CYB5B: variants seen among roughly 807,000 people sequenced by gnomAD.
The protein encoded by CYB5B is cytochrome b5 type B.
In CYB5B, 14 loss-of-function variants were observed where a neutral mutation model predicts 21.3. The observed-to-expected ratio is 0.66, with a 90% CI of 0.43 to 1.03. CYB5B has a LOEUF of 1.03. Ranked by LOEUF, CYB5B falls within the 50% of genes least tolerant of loss-of-function variation. CYB5B has a pLI of 0.00. For missense variants in CYB5B, 166 were observed against 185.1 expected, an observed-to-expected ratio of 0.90 and a Z score of 0.60; for synonymous variants, 69 against 68.4, an observed-to-expected ratio of 1.01 and a Z score of -0.04.
intron 1 of CYB5B, among the ~76,000 whole-genome samples, chr16:69,430,695 CAG>C (rs2014696987): frequency 7.2e-6 from 1 of 139,108 alleles, no homozygotes; most frequent in South Asian, 2.2e-4. Context: ...TTTTTTGAGA[CAG>C]AGTTTCACTC....
intron 1 of CYB5B, among the ~76,000 whole-genome samples, 189 bp downstream of exon 1, chr16:69,425,046 G>T (rs555518971): frequency 6.6e-6 from 1 of 152,326 alleles, no homozygotes; most frequent in South Asian, 2.1e-4. Context: ...TTTCCAGTCA[G>T]CTCCGAGTTC....
chr16:69,441,254 A>G (rs1317957288), intron 1 of CYB5B, among the ~76,000 whole-genome samples: 1 of 151,250 alleles, frequency 6.6e-6, no homozygotes, highest in East Asian at 1.9e-4. Context: ...CCCGCGTTCA[A>G]GTGATTTTCC....
At chr16:69,448,201 CT>C in intron 3 of CYB5B, 57 bp downstream of exon 3, 1 of 1,558,462 alleles carries the variant, frequency 6.4e-7, no homozygotes, top group South Asian at 1.2e-5. Context: ...AGTAGGACTG[CT>C]TTTTGAAACA....
At chr16:69,458,112 T>C (rs1050113929) in intron 3 of CYB5B, among the ~76,000 whole-genome samples, 1 of 152,206 alleles carries the variant, frequency 6.6e-6, no homozygotes, top group Non-Finnish European at 1.5e-5. Flanking sequence ...GATACTTGAA[T>C]TGAGTAAAAA....
chr16:69,424,810 C>T lies in CYB5B; in HGVS notation c.127C>T (p.Leu43Phe), dbSNP rs1249964574. 1 of 1,606,200 alleles carries T rather than the reference C, an allele frequency of 6.2e-7. No homozygotes were observed. Among genetic ancestry groups the T allele is most frequent in the African/African-American group, 1.3e-5 (1 of 74,568 alleles). Residue 43 changes from leucine (L) to phenylalanine (F), a missense_variant, in exon 1 of 5, where the codon CTT becomes TTT. Leu to Phe is a conservative substitution (Grantham distance 22). Transcript: ENST00000307892. ...GCGCAACTCCTTGAAGGAACTGTGG[C>T]TTGTGATCCATGGGCGAGTCTACGA... ...AKRNSLKELWLVIHGRVYDVT... is the reference protein window; with the variant it reads ...AKRNSLKELWFVIHGRVYDVT...
rs1188160043 is a variant in CYB5B, at chr16:69,447,155, TGGA to T, written c.185_187del (p.Gly62del). The T allele has an allele frequency of 9.9e-6, 16 of 1,613,854 alleles. No individual in the cohort carries two copies. Among genetic ancestry groups the T allele is most frequent in the Non-Finnish European group, 1.4e-5 (16 of 1,179,938 alleles). ...TAAATATCTTTTCCTTGTAGCACCC[TGGA>T]GGAGAAGAGGTTCTGCTGGAACAAG... On this transcript the variant is annotated inframe_deletion, in exon 2 of 5. Transcript: ENST00000307892.
At chr16:69,438,605 T>C (rs960132658) in intron 1 of CYB5B, among the ~76,000 whole-genome samples, 7 of 44,192 alleles carry the variant, frequency 1.6e-4, no homozygotes, top group Non-Finnish European at 8.6e-4. Flanking sequence ...TTGATTTTCA[T>C]TTCTTTTTTT....
intron 1 of CYB5B, among the ~76,000 whole-genome samples, chr16:69,440,936 G>T (rs1439776979): frequency 6.6e-6 from 1 of 151,918 alleles, no homozygotes; most frequent in Non-Finnish European, 1.5e-5. Flanking sequence ...TGGGATTACA[G>T]GCCTGCGCCG....
intron 1 of CYB5B, chr16:69,443,282 A>G (rs246136): frequency 0.35 from 54,392 of 153,462 alleles, 10,711 homozygotes; most frequent in Admixed American, 0.46. Flanking sequence ...GCCTTTGCCC[A>G]TGAGCTCTTT....
rs762722460 is a variant in CYB5B at position 69,462,514 on chromosome 16, C to T, written c.447C>T (p.Ser149=). The T allele has an allele frequency of 1.1e-4, 174 of 1,613,754 alleles. No individual in the cohort carries two copies. Among genetic ancestry groups the T allele is most frequent in the Non-Finnish European group, 1.4e-4 (170 of 1,179,834 alleles). Residue 149 remains serine, a synonymous_variant, in exon 5 of 5, where the codon TCC becomes TCT. Coordinates refer to ENST00000307892, the MANE Select transcript of CYB5B (RefSeq NM_030579.3). ...LYRYYTSESK[S]S ...GCTACTACACATCGGAAAGCAAATC[C>T]TCCTGAGGAGGCCTTGCTGAAGTTA... is the stretch of plus-strand genomic sequence containing the variant.
In CYB5B at chr16:69,462,695, C is replaced by T; in HGVS notation, c.*175C>T. 1 of 591,878 alleles carries T rather than the reference C, an allele frequency of 1.7e-6. No individual in the cohort carries two copies. Among genetic ancestry groups the T allele is most frequent in the Non-Finnish European group, 3.0e-6 (1 of 330,014 alleles). The allele number at this position is 591,878 out of a possible 1,614,324, so 36.7% of individuals were successfully genotyped here. ...TCTGAGACCAGCGTCTTCCATCTCT[C>T]AGAGCCTTACTCCCAAAGTACCTGC... is the stretch of plus-strand genomic sequence containing the variant. On this transcript the variant is annotated 3_prime_UTR_variant, in exon 5 of 5. Transcript: ENST00000307892.
intron 1 of CYB5B, among the ~76,000 whole-genome samples, chr16:69,428,517 A>G (rs2014671808): frequency 6.6e-6 from 1 of 152,096 alleles, no homozygotes. Context: ...TTAGCTGGGC[A>G]TGGTGGCATG....
chr16:69,446,998 T>C, intron 1 of CYB5B, 152 bp from the exon 2 acceptor site: 2 of 888,260 alleles, frequency 2.3e-6, no homozygotes, highest in South Asian at 1.8e-5. Context: ...TTATGCTGTG[T>C]TCTTCCCATT....
chr16:69,448,364 T>C (rs1567473649), intron 3 of CYB5B: 3 of 207,278 alleles, frequency 1.4e-5, no homozygotes, highest in East Asian at 1.0e-4. Flanking sequence ...CTTTATACGC[T>C]TTTTTTTTTT....
chr16:69,442,053 T>G (rs2014828662), intron 1 of CYB5B, among the ~76,000 whole-genome samples: 1 of 152,186 alleles, frequency 6.6e-6, no homozygotes, highest in African/African-American at 2.4e-5. Flanking sequence ...ATCTATAGTT[T>G]CTAAATTTTT....
At chr16:69,436,240 C>A (rs246146) in intron 1 of CYB5B, among the ~76,000 whole-genome samples, 1 of 151,954 alleles carries the variant, frequency 6.6e-6, no homozygotes, top group Non-Finnish European at 1.5e-5. Flanking sequence ...TCTCTGTTCC[C>A]GATGGAGTTT....
At chr16:69,446,853 A>T (rs994478385) in intron 1 of CYB5B, among the ~76,000 whole-genome samples, 1 of 152,132 alleles carries the variant, frequency 6.6e-6, no homozygotes, top group African/African-American at 2.4e-5. Context: ...GACTTTCATG[A>T]CTGTGGTATC....
At chr16:69,431,643 G>A (rs1488048144) in intron 1 of CYB5B, among the ~76,000 whole-genome samples, 1 of 152,086 alleles carries the variant, frequency 6.6e-6, no homozygotes, top group East Asian at 1.9e-4. Flanking sequence ...ATGGTGGCAT[G>A]AGCCTGTAGT....
chr16:69,427,565 C>A (rs930053318), intron 1 of CYB5B, among the ~76,000 whole-genome samples: 2 of 152,000 alleles, frequency 1.3e-5, no homozygotes, highest in African/African-American at 4.8e-5. Flanking sequence ...CAAGGTCTTA[C>A]TTTCACCCAG....
Sources: allele counts gnomAD v4.1 joint callset (sites outside exome capture counted in the v4.1 genomes callset), GRCh38; gene constraint gnomAD v4.1.1; transcripts MANE v1.5; gene names NCBI Gene and HGNC (gene_info 2026-07-23, HGNC 2026-07-21).